The following PRORP variants were observed in gnomAD, a reference collection of about 807,000 sequenced individuals.
PRORP encodes mitochondrial ribonuclease P catalytic subunit.
In PRORP, 51 loss-of-function variants were observed where a neutral mutation model predicts 59.4. The ratio of observed to expected loss-of-function variants is 0.86; its 90% confidence interval spans 0.69 to 1.08. The LOEUF (loss-of-function observed/expected upper bound fraction) is 1.08, where lower values mean the gene tolerates loss of function less well. Ranked by LOEUF, PRORP falls within the 50% of genes least tolerant of loss-of-function variation. PRORP has a pLI of 0.00. For synonymous variants in PRORP, 231 were observed against 245.6 expected, an observed-to-expected ratio of 0.94 and a Z score of 0.55; for missense variants, 646 against 690.3, an observed-to-expected ratio of 0.94 and a Z score of 0.72.
At chr14:35,254,290 G>A (rs2050691735) in intron 5 of PRORP, among the ~76,000 whole-genome samples, 1 of 152,020 alleles carries the variant, frequency 6.6e-6, no homozygotes, top group Admixed American at 6.6e-5. Flanking sequence ...CCTCCTAATT[G>A]ATCTCCCTTT....
chr14:35,158,131 G>T, intron 4 of PRORP: 1 of 276,818 alleles, frequency 3.6e-6, no homozygotes, highest in South Asian at 1.3e-4. Context: ...TCAAACACCT[G>T]CTCCATTTCC....
At chr14:35,188,961 A>AAGAAAGAAAG (rs1555326790) in intron 5 of PRORP, among the ~76,000 whole-genome samples, 1,511 of 132,744 alleles carry the variant, frequency 0.011, 27 homozygotes, top group Non-Finnish European at 0.018. Context: ...AAAAAAAAAA[A>AAGAAAGAAAG]AAAGTATTGC....
chr14:35,230,976 C>T (rs997250256), intron 5 of PRORP, among the ~76,000 whole-genome samples: 1 of 147,656 alleles, frequency 6.8e-6, no homozygotes, highest in Admixed American at 6.7e-5. Flanking sequence ...CACACACACA[C>T]ACACTTGCTT....
chr14:35,128,035 A>G (rs1227621427), intron 4 of PRORP, among the ~76,000 whole-genome samples: 1 of 152,240 alleles, frequency 6.6e-6, no homozygotes, highest in Non-Finnish European at 1.5e-5. Context: ...TGCCATGAAA[A>G]CATTGTAGTT....
intron 4 of PRORP, 119 bp from the exon 5 acceptor site, chr14:35,180,551 T>TGTGTGTGTGTGTGTGTGTGTGTG: frequency 1.6e-5 from 10 of 621,144 alleles, no homozygotes; most frequent in South Asian, 3.9e-5. Context: ...TGTGTGTGTG[T>TGTGTGTGTGTGTGTGTGTGTGTG]ATTTTTAAGG....
At chr14:35,185,663 A>G (rs1208468297) in intron 5 of PRORP, among the ~76,000 whole-genome samples, 1 of 152,238 alleles carries the variant, frequency 6.6e-6, no homozygotes, top group East Asian at 1.9e-4. Flanking sequence ...TGTGAAATAC[A>G]GGTAAACTCC....
At chr14:35,213,525 G>T (rs907068976) in intron 5 of PRORP, among the ~76,000 whole-genome samples, 1 of 152,138 alleles carries the variant, frequency 6.6e-6, no homozygotes, top group South Asian at 2.1e-4. Flanking sequence ...ACCTGTCTTG[G>T]CTTTCAACAT....
chr14:35,237,875 T>C (rs1338195659), intron 5 of PRORP, among the ~76,000 whole-genome samples: 1 of 151,788 alleles, frequency 6.6e-6, no homozygotes, highest in African/African-American at 2.4e-5. Flanking sequence ...AGGATGGTCT[T>C]GATCTCCTGA....
chr14:35,236,107 A>AG (rs1015326675), intron 5 of PRORP, among the ~76,000 whole-genome samples: 4 of 151,618 alleles, frequency 2.6e-5, no homozygotes, highest in African/African-American at 9.7e-5. Context: ...AAAAAAAAAA[A>AG]AAAAAAAAAA....
chr14:35,230,978 C>CAG (rs1317023367), intron 5 of PRORP, among the ~76,000 whole-genome samples: 1 of 145,636 alleles, frequency 6.9e-6, no homozygotes, highest in Non-Finnish European at 1.5e-5. Context: ...CACACACACA[C>CAG]ACTTGCTTGT....
chr14:35,134,249 T>C (rs2047320327), intron 4 of PRORP, among the ~76,000 whole-genome samples: 1 of 152,168 alleles, frequency 6.6e-6, no homozygotes, highest in South Asian at 2.1e-4. Context: ...AGCCCCACCG[T>C]GTGGCCACCG....
chr14:35,246,464 T>G (rs1193067455), intron 5 of PRORP, among the ~76,000 whole-genome samples: 1 of 152,208 alleles, frequency 6.6e-6, no homozygotes, highest in Admixed American at 6.5e-5. Flanking sequence ...ACACTTCCAT[T>G]AAGTCTTACT....
intron 4 of PRORP, among the ~76,000 whole-genome samples, chr14:35,175,439 C>G (rs936621935): frequency 1.3e-5 from 2 of 152,120 alleles, no homozygotes; most frequent in African/African-American, 4.8e-5. Context: ...GCCATTCTAA[C>G]TGGTGTGAGA....
At chr14:35,244,553 T>G (rs746577990) in intron 5 of PRORP, among the ~76,000 whole-genome samples, 2 of 152,154 alleles carry the variant, frequency 1.3e-5, no homozygotes, top group Non-Finnish European at 2.9e-5. Flanking sequence ...TTTAAACATA[T>G]GAGGTTGCTA....
At chr14:35,253,611 T>C (rs1594343358) in intron 5 of PRORP, among the ~76,000 whole-genome samples, 1 of 152,202 alleles carries the variant, frequency 6.6e-6, no homozygotes, top group East Asian at 1.9e-4. Flanking sequence ...CATCCTTATA[T>C]AGGATTTAGG....
At chr14:35,234,482 A>T (rs1162699401) in intron 5 of PRORP, among the ~76,000 whole-genome samples, 1 of 152,116 alleles carries the variant, frequency 6.6e-6, no homozygotes, top group Non-Finnish European at 1.5e-5. Context: ...TCTGCTGCAA[A>T]TGTCATTTAT....
At chr14:35,138,716 G>A (rs7145645) in intron 4 of PRORP, among the ~76,000 whole-genome samples, 43,941 of 144,372 alleles carry the variant, frequency 0.3, 10,137 homozygotes, top group African/African-American at 0.33. Context: ...CTAATGTAGC[G>A]GCTTTCAACT....
At chr14:35,264,516 C>G (rs1453039446) in intron 5 of PRORP, among the ~76,000 whole-genome samples, 2 of 152,006 alleles carry the variant, frequency 1.3e-5, no homozygotes, top group Non-Finnish European at 2.9e-5. Flanking sequence ...TCTCATCCTC[C>G]CACAGTGCCG....
At chr14:35,262,383 C>T in intron 5 of PRORP, 9 of 278,900 alleles carry the variant, frequency 3.2e-5, no homozygotes, top group East Asian at 9.5e-5. Context: ...TATTACTAGC[C>T]CAACTTTTAA....
Sources: gnomAD v4.1 joint callset for allele counts (sites outside exome capture counted in the v4.1 genomes callset) on GRCh38, gnomAD v4.1.1 for gene constraint, MANE v1.5 for transcripts, NCBI Gene and HGNC (gene_info 2026-07-23, HGNC 2026-07-21) for gene names.